Variants in OLA1 observed in about 807,000 individuals in gnomAD.
OLA1 encodes the protein obg-like ATPase 1.
A neutral mutation model predicts 48.4 loss-of-function variants in OLA1; 14 were observed. The observed-to-expected ratio is 0.29, with a 90% CI of 0.19 to 0.45. The LOEUF is 0.45. Ranked by LOEUF, OLA1 falls within the 20% of genes least tolerant of loss-of-function variation. OLA1 has a pLI of 1.00. For missense variants in OLA1, 325 were observed against 467.1 expected, an observed-to-expected ratio of 0.70 and a Z score of 2.80; for synonymous variants, 127 against 150.4, an observed-to-expected ratio of 0.84 and a Z score of 1.14.
intron 2 of OLA1, among the ~76,000 whole-genome samples, chr2:174,241,384 T>C (rs1183494427): frequency 6.6e-6 from 1 of 152,268 alleles, no homozygotes; most frequent in Non-Finnish European, 1.5e-5. Context: ...ATGGTGATAA[T>C]TCTCTTGTGA....
chr2:174,237,834 A>G (rs1688894184), intron 2 of OLA1, among the ~76,000 whole-genome samples: 1 of 152,262 alleles, frequency 6.6e-6, no homozygotes. Context: ...TACGTACTGT[A>G]CATAATTGTA....
At chr2:174,104,646 T>C (rs1433628766) in intron 7 of OLA1, among the ~76,000 whole-genome samples, 2 of 152,052 alleles carry the variant, frequency 1.3e-5, no homozygotes, top group Non-Finnish European at 2.9e-5. Flanking sequence ...ATGCAGTTTT[T>C]TCCATGTTTT....
At chr2:174,078,818 T>G in intron 10 of OLA1, 150 bp downstream of exon 10, 1 of 620,580 alleles carries the variant, frequency 1.6e-6, no homozygotes, top group Non-Finnish European at 2.5e-6. Flanking sequence ...AGCTCTTAAG[T>G]CAGTTGATAG....
chr2:174,140,889 A>G (rs1288301846), intron 5 of OLA1, among the ~76,000 whole-genome samples: 1 of 152,020 alleles, frequency 6.6e-6, no homozygotes, highest in Non-Finnish European at 1.5e-5. Context: ...TGTGTTGGTT[A>G]CTTTCTCTTA....
intron 7 of OLA1, among the ~76,000 whole-genome samples, chr2:174,109,389 AG>A (rs1214050509): frequency 6.6e-6 from 1 of 152,092 alleles, no homozygotes; most frequent in Non-Finnish European, 1.5e-5. Context: ...ACTTAATAAT[AG>A]ATTTTAAAAA....
chr2:174,120,954 A>G (rs752258480), intron 7 of OLA1, among the ~76,000 whole-genome samples: 2 of 152,238 alleles, frequency 1.3e-5, no homozygotes, highest in Non-Finnish European at 2.9e-5. Flanking sequence ...ATTACATGTT[A>G]ATCTTAAAAA....
At chr2:174,150,266 G>A (rs983423704) in intron 4 of OLA1, among the ~76,000 whole-genome samples, 3 of 152,076 alleles carry the variant, frequency 2.0e-5, no homozygotes, top group Non-Finnish European at 4.4e-5. Flanking sequence ...TAAAAAGTTC[G>A]GCCATCTCTT....
intron 4 of OLA1, among the ~76,000 whole-genome samples, chr2:174,144,606 T>C (rs1400588368): frequency 6.6e-6 from 1 of 152,026 alleles, no homozygotes; most frequent in East Asian, 1.9e-4. Context: ...ACTTATGTCA[T>C]AGCATTTTTT....
At chr2:174,238,260 C>T (rs574519361) in intron 2 of OLA1, among the ~76,000 whole-genome samples, 2 of 152,230 alleles carry the variant, frequency 1.3e-5, no homozygotes, top group South Asian at 2.1e-4. Flanking sequence ...CTTTGGGAGG[C>T]GGAGGCAGGC....
chr2:174,152,545 A>T (rs1258125371), intron 4 of OLA1, among the ~76,000 whole-genome samples: 1 of 152,228 alleles, frequency 6.6e-6, no homozygotes, highest in Non-Finnish European at 1.5e-5. Context: ...TCTGCTAACA[A>T]GATTCCACTC....
At chr2:174,202,037 G>T (rs1455728754) in intron 4 of OLA1, among the ~76,000 whole-genome samples, 1 of 151,760 alleles carries the variant, frequency 6.6e-6, no homozygotes, top group African/African-American at 2.4e-5. Flanking sequence ...TTGAAGATTT[G>T]CAAGTTTGAA....
intron 4 of OLA1, among the ~76,000 whole-genome samples, chr2:174,161,331 T>C (rs142290621): frequency 2.0e-5 from 3 of 152,294 alleles, no homozygotes; most frequent in Admixed American, 6.5e-5. Context: ...CTTATACACA[T>C]GCTGTATATA....
At chr2:174,239,211 G>C (rs1373047646) in intron 2 of OLA1, among the ~76,000 whole-genome samples, 2 of 152,086 alleles carry the variant, frequency 1.3e-5, no homozygotes, top group Admixed American at 1.3e-4. Context: ...GCCAAAATTA[G>C]GGGGCAAAAG....
At chr2:174,204,886 G>A (rs1259385890) in intron 4 of OLA1, among the ~76,000 whole-genome samples, 5 of 151,852 alleles carry the variant, frequency 3.3e-5, no homozygotes, top group South Asian at 4.2e-4. Flanking sequence ...TCTAAAATGC[G>A]GTAATAATAT....
chr2:174,158,570 T>G (rs1437624111), intron 4 of OLA1, among the ~76,000 whole-genome samples: 4 of 152,094 alleles, frequency 2.6e-5, no homozygotes, highest in Non-Finnish European at 5.9e-5. Context: ...TCTGACATCA[T>G]CAAGACTTTA....
chr2:174,143,870 A>G (rs556535563), intron 4 of OLA1, among the ~76,000 whole-genome samples: 1 of 152,220 alleles, frequency 6.6e-6, no homozygotes, highest in African/African-American at 2.4e-5. Flanking sequence ...TTGGGTGGCC[A>G]AGGTGGGAGG....
intron 7 of OLA1, among the ~76,000 whole-genome samples, chr2:174,115,248 T>C (rs1685754101): frequency 6.6e-6 from 1 of 152,234 alleles, no homozygotes; most frequent in African/African-American, 2.4e-5. Context: ...CTGTTATTTC[T>C]TAATAAAGTT....
chr2:174,131,176 A>G lies in OLA1; in HGVS notation c.550-7501T>C, dbSNP rs534896950. 5.3e-4 allele frequency among the ~76,000 whole-genome samples: 81 copies of G among 152,264 alleles called. 1 individual carries two copies. The South Asian group carries it at 0.016, about 31-fold the overall frequency. On this transcript the variant is annotated intron_variant, in intron 5 of 10. Coordinates refer to ENST00000284719, the MANE Select transcript of OLA1 (RefSeq NM_013341.5). ...TCACTACTTCTGGCTTCTTTGCATCACAAATTAGCCTGTTATTGAAACTTA... is the reference window on the plus strand; with the variant it reads ...TCACTACTTCTGGCTTCTTTGCATCGCAAATTAGCCTGTTATTGAAACTTA...
intron 4 of OLA1, among the ~76,000 whole-genome samples, chr2:174,185,888 T>C (rs1054975038): frequency 3.3e-5 from 5 of 152,168 alleles, no homozygotes; most frequent in African/African-American, 4.8e-5. Context: ...GATCATGCCA[T>C]TGCACTCCAG....
Sources: gnomAD v4.1 joint callset for allele counts (sites outside exome capture counted in the v4.1 genomes callset) on GRCh38, gnomAD v4.1.1 for gene constraint, MANE v1.5 for transcripts, NCBI Gene and HGNC (gene_info 2026-07-23, HGNC 2026-07-21) for gene names.